Variants in UTP6 observed in about 807,000 individuals in gnomAD.
UTP6 encodes U3 small nucleolar RNA-associated protein 6 homolog.
Under a neutral mutation model 96.5 loss-of-function variants are expected in UTP6, and 60 were observed. The observed-to-expected ratio is 0.62, with a 90% CI of 0.51 to 0.77. The LOEUF (loss-of-function observed/expected upper bound fraction) is 0.77. Among genes scored for constraint, UTP6 ranks in the 30% least tolerant of loss-of-function variants. UTP6 has a pLI of 0.00. For synonymous variants in UTP6, 215 were observed against 240.1 expected (o/e 0.90, Z 0.96); for missense variants, 637 against 706.5 (o/e 0.90, Z 1.12).
chr17:31,887,250 CT>C lies in UTP6; in HGVS notation c.606del (p.Ala203ProfsTer28), dbSNP rs762863315. 1 of 1,614,038 alleles carries C rather than the reference CT, an allele frequency of 6.2e-7. No individual in the cohort carries two copies. Among genetic ancestry groups the C allele is most frequent in the East Asian group, 2.2e-5 (1 of 44,866 alleles). ...TAGAACCTTACCACATCCATACTGG[CT>C]TTTTCAAATTCTTCCTTCTCCTTCC... is the stretch of plus-strand genomic sequence containing the variant. ...KLRKEKEEFE[K>X]ASMDVENPDY... is the part of the protein sequence containing the mutation. On this transcript the variant is annotated frameshift_variant, in exon 8 of 19. Transcript: ENST00000261708. LOFTEE classifies it high-confidence loss of function.
Position 31,901,640 on chromosome 17 carries a change from C to G in UTP6, c.-13G>C. 1 of 1,612,640 alleles carries G rather than the reference C, an allele frequency of 6.2e-7. No individual in the cohort carries two copies. The highest frequency in any genetic ancestry group is 1.1e-5 in the South Asian group (1 of 91,076). On this transcript the variant is annotated 5_prime_UTR_variant, in exon 1 of 19. Coordinates refer to ENST00000261708, the MANE Select transcript of UTP6 (RefSeq NM_018428.3). ...TTATCTCTGCCATGAGGTCCGAGGT[C>G]TACAACCCCGCGGGTAGCTTCTCAA... is the stretch of plus-strand genomic sequence containing the variant.
chr17:31,890,182 G>A (rs916915971), intron 6 of UTP6, among the ~76,000 whole-genome samples: 3 of 151,950 alleles, frequency 2.0e-5, no homozygotes, highest in African/African-American at 7.2e-5. Context: ...ACTTTGTAGA[G>A]ATGGGTTTTC....
chr17:31,881,267 C>CTT (rs202102116), intron 10 of UTP6, among the ~76,000 whole-genome samples: 26 of 132,882 alleles, frequency 2.0e-4, no homozygotes, highest in Non-Finnish European at 2.6e-4. Flanking sequence ...CACTTTTTCA[C>CTT]TTTTTTTTTT....
Position 31,894,685 on chromosome 17 carries a change from C to T in UTP6, c.272G>A (p.Arg91Gln), listed in dbSNP as rs775119896. Residue 91 changes from arginine to glutamine, a missense_variant, in exon 4 of 19, where the codon CGG becomes CAG. By Grantham distance (43) the Arg-to-Gln change is conservative. Coordinates refer to ENST00000261708, the MANE Select transcript of UTP6 (RefSeq NM_018428.3). ...GGCACGCTGGAAAACACCTTGTACC[C>T]GGTGTACAATAGAATTCTCAATCTC... ...KDEIENSIVH[R>Q]VQGVFQRASA... The T allele has an allele frequency of 9.7e-5, 156 of 1,611,468 alleles. No individual in the cohort carries two copies. Among genetic ancestry groups the T allele is most frequent in the Non-Finnish European group, 1.2e-4 (145 of 1,178,774 alleles).
rs532132110 is a variant in UTP6 at position 31,898,369 on chromosome 17, T to C, written c.177+1277A>G. On this transcript the variant is annotated intron_variant, in intron 2 of 18. Transcript: ENST00000261708. ...GGTCAAGATGGTGAAACGCTGTCTCTACAAAAATTAGCCTGGCGTGGTTGT... is the reference window on the plus strand; with the variant it reads ...GGTCAAGATGGTGAAACGCTGTCTCCACAAAAATTAGCCTGGCGTGGTTGT... Among the ~76,000 whole-genome samples, 200 of 152,094 alleles carry C rather than the reference T, an allele frequency of 1.3e-3. 1 individual carries two copies. The highest frequency in any genetic ancestry group is 2.3e-3 in the Non-Finnish European group (159 of 67,994).
intron 4 of UTP6, among the ~76,000 whole-genome samples, chr17:31,893,823 C>T (rs1470001647): frequency 2.0e-5 from 3 of 151,718 alleles, no homozygotes; most frequent in Non-Finnish European, 4.4e-5. Flanking sequence ...GGCCTCCGAT[C>T]TCTTAACTAT....
intron 7 of UTP6, among the ~76,000 whole-genome samples, chr17:31,888,983 A>G (rs1403881981): frequency 6.6e-6 from 1 of 151,956 alleles, no homozygotes; most frequent in Non-Finnish European, 1.5e-5. Flanking sequence ...GAGGCAGGAG[A>G]ATGGTGTGAA....
intron 13 of UTP6, among the ~76,000 whole-genome samples, chr17:31,876,984 G>A (rs1052301986): frequency 5.3e-5 from 8 of 152,106 alleles, no homozygotes; most frequent in African/African-American, 1.9e-4. Context: ...TACACTCCAG[G>A]CTGGGTGACA....
chr17:31,886,053 A>G lies in UTP6; in HGVS notation c.630T>C (p.Pro210=), dbSNP rs1911122579. The G allele has an allele frequency of 6.2e-7, 1 of 1,613,260 alleles. No individual in the cohort carries two copies. Among genetic ancestry groups the G allele is most frequent in the South Asian group, 1.1e-5 (1 of 90,844 alleles). Residue 210 remains proline, a synonymous_variant, in exon 9 of 19, where the codon CCT becomes CCC. Transcript: ENST00000261708. ...CCTTAAGGATTTCTTCAGAATAATC[A>G]GGATTCTCCTAAAGAGTGTTATATC... ...FEKASMDVEN[P]DYSEEILKGE... is the part of the protein sequence containing the mutation.
intron 10 of UTP6, among the ~76,000 whole-genome samples, chr17:31,882,012 C>T (rs1252761853): frequency 2.0e-5 from 3 of 151,890 alleles, no homozygotes; most frequent in South Asian, 2.1e-4. Flanking sequence ...TCTTCATTTT[C>T]GTTTGTGTGT....
rs779392250 is a variant in UTP6 at position 31,887,287 on chromosome 17, A to G, written c.570T>C (p.Ala190=). ...KEYFRMELMH[A]EKLRKEKEEF... Reference sequence around the variant, plus strand: ...CTTCCTTCTCCTTCCTCAGTTTTTCAGCATGCATCAGCTCCATCCTAAAGT... The same window carrying G: ...CTTCCTTCTCCTTCCTCAGTTTTTCGGCATGCATCAGCTCCATCCTAAAGT... Residue 190 remains alanine, a synonymous_variant, in exon 8 of 19, where the codon GCT becomes GCC. Transcript: ENST00000261708. 1.9e-6 allele frequency: 3 copies of G among 1,614,060 alleles called. No homozygotes were observed. The highest frequency in any genetic ancestry group is 4.5e-5 in the East Asian group (2 of 44,868).
At chr17:31,875,154 C>A in intron 14 of UTP6, 80 bp downstream of exon 14, 1 of 1,545,866 alleles carries the variant, frequency 6.5e-7, no homozygotes, top group Non-Finnish European at 8.8e-7. Flanking sequence ...TCTCAATAGA[C>A]AAGTACATTC....
intron 2 of UTP6, among the ~76,000 whole-genome samples, chr17:31,896,262 G>C (rs556289864): frequency 3.6e-4 from 55 of 151,916 alleles, no homozygotes; most frequent in Admixed American, 1.5e-3. Context: ...ATTTTTAGTA[G>C]AGATGGGGTT....
rs1050724188 is a variant in UTP6, at chr17:31,892,334, G to A, written c.361-11C>T. 1 of 1,612,780 alleles carries A rather than the reference G, an allele frequency of 6.2e-7. No individual in the cohort carries two copies. The highest frequency in any genetic ancestry group is 2.2e-5 in the East Asian group (1 of 44,860). On this transcript the variant is annotated splice_polypyrimidine_tract_variant and intron_variant, in intron 5 of 18. Coordinates refer to ENST00000261708, the MANE Select transcript of UTP6 (RefSeq NM_018428.3). ...TCGAGTTTTAGTAGCCTGTAAAAAA[G>A]GAAAATATTTCTACTTCCTGCACAG...
intron 10 of UTP6, among the ~76,000 whole-genome samples, chr17:31,881,855 A>G (rs1244041635): frequency 6.6e-6 from 1 of 151,958 alleles, no homozygotes; most frequent in Non-Finnish European, 1.5e-5. Context: ...CACCATACCC[A>G]GCTAATTTTG....
At chr17:31,897,450 T>C (rs1904720975) in intron 2 of UTP6, among the ~76,000 whole-genome samples, 1 of 147,096 alleles carries the variant, frequency 6.8e-6, no homozygotes, top group East Asian at 2.0e-4. Context: ...AGTCTTTTTT[T>C]TTTTTTTTTT....
intron 17 of UTP6, among the ~76,000 whole-genome samples, chr17:31,865,751 A>T (rs1909774686): frequency 6.6e-6 from 1 of 152,238 alleles, no homozygotes. Flanking sequence ...AATTAAATAA[A>T]GAAACAGCGA....
intron 15 of UTP6, 40 bp from the exon 16 acceptor site, chr17:31,873,527 A>G (rs1910311756): frequency 6.2e-7 from 1 of 1,608,622 alleles, no homozygotes; most frequent in Non-Finnish European, 8.5e-7. Context: ...TATGTGAGAA[A>G]ACTTATAGAT....
At position 31,901,649 on chromosome 17, in the gene UTP6, C is replaced by G; in HGVS notation, c.-22G>C. 1 of 1,610,832 alleles carries G rather than the reference C, an allele frequency of 6.2e-7. No homozygotes were observed. On this transcript the variant is annotated 5_prime_UTR_variant, in exon 1 of 19. Coordinates refer to ENST00000261708, the MANE Select transcript of UTP6 (RefSeq NM_018428.3). ...CCATGAGGTCCGAGGTCTACAACCC[C>G]GCGGGTAGCTTCTCAACAGCGAACA...
Sources: gnomAD v4.1 joint callset for allele counts (sites outside exome capture counted in the v4.1 genomes callset) on GRCh38, gnomAD v4.1.1 for gene constraint, MANE v1.5 for transcripts, NCBI Gene and HGNC (gene_info 2026-07-23, HGNC 2026-07-21) for gene names.